Variants in ZBTB8B observed in about 807,000 individuals in gnomAD.
ZBTB8B encodes the protein zinc finger and BTB domain-containing protein 8B.
Under a neutral mutation model 30.3 loss-of-function variants are expected in ZBTB8B, and 17 were observed. That is an observed-to-expected ratio of 0.56 (90% confidence interval 0.38 to 0.84). The LOEUF (loss-of-function observed/expected upper bound fraction) is 0.84, where lower values mean the gene tolerates loss of function less well. Ranked by LOEUF, ZBTB8B falls within the 40% of genes least tolerant of loss-of-function variation. The pLI, the probability that ZBTB8B is intolerant of heterozygous loss-of-function variation, is 0.00. For synonymous variants in ZBTB8B, 248 were observed against 255.6 expected (o/e 0.97, Z 0.28); for missense variants, 515 against 644.9 (o/e 0.80, Z 2.18).
intron 2 of ZBTB8B, among the ~76,000 whole-genome samples, chr1:32,479,685 C>A (rs535808767): frequency 1.8e-4 from 28 of 152,298 alleles, no homozygotes; most frequent in Non-Finnish European, 2.8e-4. Context: ...GGGACTTGAG[C>A]ATCCTTGGAT....
intron 1 of ZBTB8B, among the ~76,000 whole-genome samples, chr1:32,468,823 T>C (rs957061095): frequency 1.5e-4 from 23 of 150,054 alleles, no homozygotes; most frequent in Admixed American, 2.7e-4. Flanking sequence ...ATCGCGCCAT[T>C]GCACTCCAGC....
At position 32,495,210 on chromosome 1, in the gene ZBTB8B, G is replaced by A. The variant is rs951417634; in HGVS notation, c.*9792G>A. The A allele has an allele frequency of 6.6e-6, 1 of 152,160 alleles. No individual in the cohort carries two copies. The highest frequency in any genetic ancestry group is 1.9e-4 in the East Asian group (1 of 5,198). 9.4% of individuals were successfully genotyped at this position (152,160 alleles called of 1,614,324 possible). On this transcript the variant is annotated 3_prime_UTR_variant, in exon 4 of 4. Transcript: ENST00000609129. ...AGTCAGCAGCCCACATGATAAGATGGTATTGAGTAAAAATGTATTCTTAGG... is the reference window on the plus strand; with the variant it reads ...AGTCAGCAGCCCACATGATAAGATGATATTGAGTAAAAATGTATTCTTAGG...
At chr1:32,474,572 A>C (rs1437726465) in intron 2 of ZBTB8B, among the ~76,000 whole-genome samples, 3 of 151,942 alleles carry the variant, frequency 2.0e-5, no homozygotes, top group African/African-American at 7.2e-5. Context: ...AAACACTTGA[A>C]AATGCTGTTT....
chr1:32,471,164 C>T lies in ZBTB8B; in HGVS notation c.540C>T (p.Ala180=), dbSNP rs774984832. 3.9e-6 allele frequency: 6 copies of T among 1,551,794 alleles called. No individual in the cohort carries two copies. The highest frequency in any genetic ancestry group is 2.4e-5 in the South Asian group (2 of 84,066). The change falls in exon 2 of 4, where the codon GCC becomes GCT. Residue 180 remains alanine, a synonymous_variant. Coordinates refer to ENST00000609129, the MANE Select transcript of ZBTB8B (RefSeq NM_001145720.2). ...CGTKSLVSSP[A]EGEKSVECLR... ...CCAAGAGCTTGGTCTCCTCTCCAGC[C>T]GAGGGAGAAAAGAGCGTGGAGTGCC...
chr1:32,474,146 C>G (rs549075299), intron 2 of ZBTB8B, among the ~76,000 whole-genome samples: 1 of 151,640 alleles, frequency 6.6e-6, no homozygotes. Context: ...CCACTATGCC[C>G]GGCTTCAAAT....
intron 2 of ZBTB8B, among the ~76,000 whole-genome samples, chr1:32,479,878 A>G (rs923066363): frequency 1.3e-5 from 2 of 152,224 alleles, no homozygotes; most frequent in African/African-American, 4.8e-5. Context: ...GATTTAAGTG[A>G]ATTCCTGGAT....
Position 32,494,364 on chromosome 1 carries a change from C to G in ZBTB8B, c.*8946C>G, listed in dbSNP as rs1643801724. 1 of 152,074 alleles carries G rather than the reference C, an allele frequency of 6.6e-6. No individual in the cohort carries two copies. The highest frequency in any genetic ancestry group is 2.4e-5 in the African/African-American group (1 of 41,388). 9.4% of individuals were successfully genotyped at this position (152,074 alleles called of 1,614,324 possible). A position where few individuals can be genotyped will look rare whatever the true frequency, so the allele number is the denominator to read the frequency against. The stretch of plus-strand genomic sequence containing the variant: ...GGATCAGAAACCAGGTCCTGCCAGG[C>G]CAGTCCTGATAATAGACAGACATGT... On this transcript the variant is annotated 3_prime_UTR_variant, in exon 4 of 4. Coordinates refer to ENST00000609129, the MANE Select transcript of ZBTB8B (RefSeq NM_001145720.2).
chr1:32,484,210 GAA>G lies in ZBTB8B; in HGVS notation c.1171-876_1171-875del, dbSNP rs1279754660. ...GTGACAGAGAAAGACCCTGTCTCTG[GAA>G]AAAAAAAAAAAAAATCCCAATCAGT... is the stretch of plus-strand genomic sequence containing the variant. On this transcript the variant is annotated intron_variant, in intron 3 of 3. Coordinates refer to ENST00000609129, the MANE Select transcript of ZBTB8B (RefSeq NM_001145720.2). This position sits in a 1 kb window ranked among gnomAD's most constrained non-coding sequence, Gnocchi z 4.5. Among the ~76,000 whole-genome samples the G allele has an allele frequency of 1.1e-4, 14 of 130,438 alleles. No homozygotes were observed. The highest frequency in any genetic ancestry group is 2.5e-4 in the South Asian group (1 of 3,958). The allele number at this position is 130,438 out of a possible 152,430, so 85.6% of individuals were successfully genotyped here.
chr1:32,485,425 A>T lies in ZBTB8B; in HGVS notation c.*7A>T. On this transcript the variant is annotated 3_prime_UTR_variant, in exon 4 of 4. Transcript: ENST00000609129. ...CCGAGAGACACTTACGTAGCAATAA[A>T]TTGGTGGGGAAGAGGAGGTTTTAAA... is the stretch of plus-strand genomic sequence containing the variant. The T allele has an allele frequency of 6.5e-7, 1 of 1,545,262 alleles. No homozygotes were observed. The highest frequency in any genetic ancestry group is 8.8e-7 in the Non-Finnish European group (1 of 1,141,588).
Position 32,470,772 on chromosome 1 carries a change from C to T in ZBTB8B, c.148C>T (p.Arg50Ter). Residue 50 changes from arginine to a stop codon, truncating the protein, a stop_gained, in exon 2 of 4, where the codon CGA becomes TGA. Transcript: ENST00000609129. LOFTEE classifies it high-confidence loss of function. ...TTTGTTTGCTAACAGCGGCTACTTC[C>T]GAGCCCTGCTCATTCACTATATCCA... ...NILFANSGYF[R>*]ALLIHYIQDS... 6.4e-7 allele frequency: 1 copy of T among 1,551,770 alleles called. No individual in the cohort carries two copies. The highest frequency in any genetic ancestry group is 1.4e-5 in the African/African-American group (1 of 73,162).
Position 32,474,895 on chromosome 1 carries a change from C to T in ZBTB8B, c.991+3280C>T, listed in dbSNP as rs150505441. Reference sequence around the variant, plus strand: ...CAGTGAAAGCAACACAAGTAGGTAGCGGATTTCAGTGCAATGATTTTTTTC... The same window carrying T: ...CAGTGAAAGCAACACAAGTAGGTAGTGGATTTCAGTGCAATGATTTTTTTC... On this transcript the variant is annotated intron_variant, in intron 2 of 3. Coordinates refer to ENST00000609129, the MANE Select transcript of ZBTB8B (RefSeq NM_001145720.2). Among the ~76,000 whole-genome samples the T allele has an allele frequency of 4.3e-3, 661 of 152,294 alleles. 9 individuals carry two copies. Among genetic ancestry groups the T allele is most frequent in the African/African-American group, 0.014 (602 of 41,574 alleles).
chr1:32,474,532 C>CA lies in ZBTB8B; in HGVS notation c.991+2927dup, dbSNP rs909647588. Among the ~76,000 whole-genome samples, 434 of 127,348 alleles carry CA rather than the reference C, an allele frequency of 3.4e-3. 1 individual carries two copies. Among genetic ancestry groups the CA allele is most frequent in the Non-Finnish European group, 4.6e-3 (271 of 59,266 alleles). 83.5% of individuals were successfully genotyped at this position (127,348 alleles called of 152,430 possible). ...TCGATGACAGAGTGAGACCTTGTCTCAAAAAAAAAAGGAAAAAGAAAAAAA... is the reference window on the plus strand; with the variant it reads ...TCGATGACAGAGTGAGACCTTGTCTCAAAAAAAAAAAGGAAAAAGAAAAAAA... On this transcript the variant is annotated intron_variant, in intron 2 of 3. Transcript: ENST00000609129.
rs1441868126 is a variant in ZBTB8B at position 32,486,617 on chromosome 1, C to T, written c.*1199C>T. On this transcript the variant is annotated 3_prime_UTR_variant, in exon 4 of 4. Coordinates refer to ENST00000609129, the MANE Select transcript of ZBTB8B (RefSeq NM_001145720.2). ...TTGCCATGATAAGGGGCAGTGACTT[C>T]CAGGTGTTGCCATGGCAATGGTAAT... 2 of 152,160 alleles carry T rather than the reference C, an allele frequency of 1.3e-5. No homozygotes were observed. The highest frequency in any genetic ancestry group is 2.9e-5 in the Non-Finnish European group (2 of 68,050). The allele number at this position is 152,160 out of a possible 1,614,324, so 9.4% of individuals were successfully genotyped here.
At position 32,492,295 on chromosome 1, in the gene ZBTB8B, C is replaced by CCTTTT. The variant is rs1643784452; in HGVS notation, c.*6878_*6882dup. ...CAAACACAGGCTCTTGGTAACCGTG[C>CCTTTT]CTTTTTTTTTTTTTTTTTTTTTTTA... is the stretch of plus-strand genomic sequence containing the variant. On this transcript the variant is annotated 3_prime_UTR_variant, in exon 4 of 4. Coordinates refer to ENST00000609129, the MANE Select transcript of ZBTB8B (RefSeq NM_001145720.2). 6.7e-6 allele frequency: 1 copy of CCTTTT among 149,158 alleles called. No homozygotes were observed. The highest frequency in any genetic ancestry group is 1.4e-5 in the Non-Finnish European group (1 of 71,532). 9.2% of individuals were successfully genotyped at this position (149,158 alleles called of 1,614,324 possible).
At chr1:32,469,246 A>ATTTTTTTTTTTTTTTTTTTTTTTTTTTT (rs541160413) in intron 1 of ZBTB8B, among the ~76,000 whole-genome samples, 1 of 117,352 alleles carries the variant, frequency 8.5e-6, no homozygotes, top group Non-Finnish European at 1.7e-5. Context: ...CTCAAGTATA[A>ATTTTTTTTTTTTTTTTTTTTTTTTTTTT]TTTTTTTTTT....
intron 2 of ZBTB8B, among the ~76,000 whole-genome samples, chr1:32,474,721 A>C (rs1486657334): frequency 6.6e-6 from 1 of 152,178 alleles, no homozygotes; most frequent in African/African-American, 2.4e-5. Context: ...CACATCCACA[A>C]GTCTCTCATG....
At position 32,492,972 on chromosome 1, in the gene ZBTB8B, A is replaced by G. The variant is rs1409760355; in HGVS notation, c.*7554A>G. The G allele has an allele frequency of 1.3e-5, 2 of 152,206 alleles. No individual in the cohort carries two copies. Among genetic ancestry groups the G allele is most frequent in the East Asian group, 3.8e-4 (2 of 5,202 alleles). 9.4% of individuals were successfully genotyped at this position (152,206 alleles called of 1,614,324 possible). A position where few individuals can be genotyped will look rare whatever the true frequency, so the allele number is the denominator to read the frequency against. The stretch of plus-strand genomic sequence containing the variant: ...TATCCAGTAAACTTCCAGCTTTGGC[A>G]TACTATATTTATAAGCAGTTTAAAC... On this transcript the variant is annotated 3_prime_UTR_variant, in exon 4 of 4. Coordinates refer to ENST00000609129, the MANE Select transcript of ZBTB8B (RefSeq NM_001145720.2).
chr1:32,470,808 C>T lies in ZBTB8B; in HGVS notation c.184C>T (p.Arg62Trp), dbSNP rs1643611595. The T allele has an allele frequency of 2.6e-6, 4 of 1,551,708 alleles. No homozygotes were observed. Among genetic ancestry groups the T allele is most frequent in the South Asian group, 2.4e-5 (2 of 84,070 alleles). ...CATTCACTATATCCAGGACAGCGGG[C>T]GGCATAGCACCGCCTCCTTGGACAT... Reference protein sequence around the residue: ...LLIHYIQDSGRHSTASLDIVT... With the variant: ...LLIHYIQDSGWHSTASLDIVT... The change falls in exon 2 of 4, where the codon CGG (arginine) becomes TGG (tryptophan). Residue 62 changes from arginine to tryptophan, a missense_variant. Arg to Trp is a moderately radical substitution (Grantham distance 101). This residue lies in a region of ZBTB8B where 61 missense variants were observed against 117.7 expected (regional missense o/e 0.52). Coordinates refer to ENST00000609129, the MANE Select transcript of ZBTB8B (RefSeq NM_001145720.2).
chr1:32,493,495 C>T lies in ZBTB8B; in HGVS notation c.*8077C>T, dbSNP rs1174106874. 1 of 151,570 alleles carries T rather than the reference C, an allele frequency of 6.6e-6. No individual in the cohort carries two copies. The highest frequency in any genetic ancestry group is 6.6e-5 in the Admixed American group (1 of 15,232). 9.4% of individuals were successfully genotyped at this position (151,570 alleles called of 1,614,324 possible). On this transcript the variant is annotated 3_prime_UTR_variant, in exon 4 of 4. Transcript: ENST00000609129. ...GGTTTTCTGGCCGGGAGCAGTGGCT[C>T]ATGCCTGTAATCCCAGCACTTTGGG...
Sources: gnomAD v4.1 joint callset for allele counts (sites outside exome capture counted in the v4.1 genomes callset) on GRCh38, gnomAD v4.1.1 for gene constraint, gnomAD v4.1.1 regional missense constraint, Gnocchi (gnomAD v3.1) non-coding constraint, MANE v1.5 for transcripts, NCBI Gene and HGNC (gene_info 2026-07-23, HGNC 2026-07-21) for gene names.